Variants in LRTM1 observed in about 807,000 individuals in gnomAD.
LRTM1 encodes leucine-rich repeat and transmembrane domain-containing protein 1.
In LRTM1, 38 loss-of-function variants were observed where a neutral mutation model predicts 32.4. That is an observed-to-expected ratio of 1.17 (90% confidence interval 0.91 to 1.54). LRTM1 has a LOEUF of 1.54. Among genes scored for constraint, LRTM1 ranks in the 40% most tolerant of loss-of-function variants. The pLI is 0.00. For missense variants in LRTM1, 466 were observed against 415.4 expected (o/e 1.12, Z -1.06); for synonymous variants, 186 against 169.9 (o/e 1.09, Z -0.74).
At chr3:54,939,786 A>T (rs1465550398) in intron 1 of LRTM1, among the ~76,000 whole-genome samples, 1 of 152,246 alleles carries the variant, frequency 6.6e-6, no homozygotes, top group African/African-American at 2.4e-5. Context: ...TAGCGGGAGA[A>T]GCATGGCATT....
In LRTM1 at chr3:54,938,328, A is replaced by G. The variant is rs1701380262; in HGVS notation, c.-221-13113T>C. 2.0e-5 allele frequency among the ~76,000 whole-genome samples: 3 copies of G among 152,354 alleles called. No homozygotes were observed. In the South Asian group the frequency reaches 6.2e-4, roughly 32 times the overall value. ...TGGCAAATGAGTGTTTACGTCCTGC[A>G]ACTACCTGCTTTGTGGCCTCATGGC... is the stretch of plus-strand genomic sequence containing the variant. On this transcript the variant is annotated intron_variant, in intron 1 of 2. Coordinates refer to the LRTM1 transcript ENST00000493075.
chr3:54,932,929 G>A (rs1248626678), upstream of LRTM1, among the ~76,000 whole-genome samples: 2 of 152,188 alleles, frequency 1.3e-5, no homozygotes, highest in African/African-American at 2.4e-5. Context: ...TGACATTGGA[G>A]GCATGTGGAT....
rs775234180 is a variant in LRTM1 at position 54,918,584 on chromosome 3, C to T, written c.913G>A (p.Ala305Thr). ...VCGIVCLMMLAAAIYGCTYAA... is the reference protein window; with the variant it reads ...VCGIVCLMMLTAAIYGCTYAA... ...TAGGTGCAGCCATAGATGGCAGCTG[C>T]CAACATCATGAGACACACAATCCCA... Residue 305 changes from alanine (A) to threonine (T), a missense_variant, in exon 3 of 3, where the codon GCA (alanine) becomes ACA (threonine). By Grantham distance (58) the Ala-to-Thr change is moderately conservative (BLOSUM62 0). Coordinates refer to ENST00000273286, the MANE Select transcript of LRTM1 (RefSeq NM_020678.4). The T allele has an allele frequency of 1.2e-5, 20 of 1,613,970 alleles. No individual in the cohort carries two copies. The highest frequency in any genetic ancestry group is 1.7e-5 in the Non-Finnish European group (20 of 1,180,004).
At chr3:54,940,604 T>C (rs770412763) in intron 1 of LRTM1, among the ~76,000 whole-genome samples, 5 of 152,176 alleles carry the variant, frequency 3.3e-5, no homozygotes, top group Non-Finnish European at 7.3e-5. Context: ...TACAGGCTAC[T>C]CCCAAACTGT....
intron 1 of LRTM1, among the ~76,000 whole-genome samples, chr3:54,965,403 A>T (rs1032804207): frequency 2.6e-5 from 4 of 152,042 alleles, no homozygotes; most frequent in African/African-American, 9.7e-5. Context: ...CTCCATTTGG[A>T]TTGCCATCTT....
At chr3:54,965,542 G>T (rs897263476) in intron 1 of LRTM1, among the ~76,000 whole-genome samples, 4 of 152,138 alleles carry the variant, frequency 2.6e-5, no homozygotes, top group Admixed American at 2.0e-4. Flanking sequence ...CTTTTACAAT[G>T]GATCTACTCC....
At chr3:54,953,372 G>A (rs776953415) in intron 1 of LRTM1, among the ~76,000 whole-genome samples, 15 of 152,150 alleles carry the variant, frequency 9.9e-5, no homozygotes, top group Non-Finnish European at 2.1e-4. Flanking sequence ...AACTGCTAAA[G>A]TGGTGGGGCC....
At chr3:54,963,569 A>G (rs1702080431) in intron 1 of LRTM1, among the ~76,000 whole-genome samples, 1 of 152,240 alleles carries the variant, frequency 6.6e-6, no homozygotes, top group Admixed American at 6.5e-5. Context: ...ACTAATTTGG[A>G]CAGCACAGGA....
rs534790663 is a variant in LRTM1, at chr3:54,921,990, T to C, written c.604+2629A>G. On this transcript the variant is annotated intron_variant, in intron 2 of 2. Coordinates refer to ENST00000273286, the MANE Select transcript of LRTM1 (RefSeq NM_020678.4). ...TCAATATATCTATAATCAGACTGTC[T>C]CCCATGTTTGACACATATTTGGATT... Among the ~76,000 whole-genome samples, 5 of 151,644 alleles carry C rather than the reference T, an allele frequency of 3.3e-5. No homozygotes were observed. In the East Asian group the frequency reaches 9.6e-4, roughly 29 times the overall value.
In LRTM1 at chr3:54,918,460, C is replaced by A. The variant is rs1161979815; in HGVS notation, c.1037G>T (p.Ter346LeuextTer19). 5.0e-6 allele frequency: 8 copies of A among 1,608,880 alleles called. 1 individual carries two copies. The Admixed American group carries it at 1.3e-4, about 27-fold the overall frequency. ...CAATCCTATTTGAGACAAAAGCTCT[C>A]AGGCTGGTGAGCTGTCAAATCGCTC... Reference protein sequence around the residue: ...EKERFDSSPA* With the variant: ...EKERFDSSPAL Residue 346 changes from the stop codon to leucine (L), a stop_lost, in exon 3 of 3, where the codon TGA (stop) becomes TTA (leucine). Coordinates refer to ENST00000273286, the MANE Select transcript of LRTM1 (RefSeq NM_020678.4).
upstream of LRTM1, among the ~76,000 whole-genome samples, chr3:54,928,595 C>T (rs188874861): frequency 6.6e-6 from 1 of 152,182 alleles, no homozygotes; most frequent in Admixed American, 6.5e-5. Context: ...GTCTTGATGC[C>T]CTGAAATTCA....
intron 2 of LRTM1, among the ~76,000 whole-genome samples, chr3:54,920,263 A>G (rs77272954): frequency 6.2e-4 from 95 of 152,336 alleles, no homozygotes; most frequent in African/African-American, 2.1e-3. Flanking sequence ...GCTTACTACA[A>G]GATAAGTCAT....
At chr3:54,933,047 CCCTCCCTTCCTTCCTT>C (rs1428191418), upstream of LRTM1, among the ~76,000 whole-genome samples, 1 of 135,116 alleles carries the variant, frequency 7.4e-6, no homozygotes, top group Non-Finnish European at 1.5e-5. Flanking sequence ...ATCCATCCAT[CCCTCCCTTCCTTCCTT>C]CCTTCCTTCC....
chr3:54,940,470 G>T (rs1346236611), intron 1 of LRTM1, among the ~76,000 whole-genome samples: 1 of 152,104 alleles, frequency 6.6e-6, no homozygotes, highest in East Asian at 1.9e-4. Flanking sequence ...CAACATTTCA[G>T]ACACAGACAG....
Position 54,924,649 on chromosome 3 carries a change from T to A in LRTM1, c.574A>T (p.Lys192Ter). The A allele has an allele frequency of 1.2e-6, 2 of 1,614,122 alleles. No homozygotes were observed. The highest frequency in any genetic ancestry group is 1.7e-6 in the Non-Finnish European group (2 of 1,179,988). The change falls in exon 2 of 3, where the codon AAA becomes TAA. Residue 192 changes from lysine to a stop codon, truncating the protein, a stop_gained. Coordinates refer to ENST00000273286, the MANE Select transcript of LRTM1 (RefSeq NM_020678.4). LOFTEE classifies it high-confidence loss of function. The stretch of plus-strand genomic sequence containing the variant: ...TAGACAAATTTCTCCAGCCAGAGTT[T>A]AAGACCGAGCAAGTGGCAATTGCAT... ...WKCNCHLLGL[K>*]LWLEKFVYKG...
intron 1 of LRTM1, among the ~76,000 whole-genome samples, chr3:54,950,116 A>T (rs1701719683): frequency 6.6e-6 from 1 of 152,226 alleles, no homozygotes; most frequent in Non-Finnish European, 1.5e-5. Context: ...TTTCAAGTGC[A>T]GCTGGAAAAT....
chr3:54,918,961 G>C, intron 2 of LRTM1, 69 bp from the exon 3 acceptor site: 1 of 1,309,016 alleles, frequency 7.6e-7, no homozygotes, highest in Non-Finnish European at 1.0e-6. Flanking sequence ...TCCTCTGCCT[G>C]CAAAAACTTA....
At chr3:54,922,280 A>T (rs906158311) in intron 2 of LRTM1, among the ~76,000 whole-genome samples, 2 of 151,376 alleles carry the variant, frequency 1.3e-5, no homozygotes, top group African/African-American at 4.9e-5. Flanking sequence ...GGCACATTTC[A>T]TCCCATCCCA....
intron 1 of LRTM1, among the ~76,000 whole-genome samples, chr3:54,964,866 C>T (rs1197993415): frequency 6.6e-6 from 1 of 151,606 alleles, no homozygotes; most frequent in Non-Finnish European, 1.5e-5. Flanking sequence ...CATTTTCACG[C>T]TCAAGAAATA....
Sources: allele counts gnomAD v4.1 joint callset (sites outside exome capture counted in the v4.1 genomes callset), GRCh38; gene constraint gnomAD v4.1.1; transcripts MANE v1.5; gene names NCBI Gene and HGNC (gene_info 2026-07-23, HGNC 2026-07-21).